Variants in PDGFC observed in about 807,000 individuals in gnomAD.
PDGFC encodes platelet-derived growth factor C.
A neutral mutation model predicts 35.5 loss-of-function variants in PDGFC; 12 were observed. That is an observed-to-expected ratio of 0.34 (90% CI 0.22 to 0.55). The LOEUF is 0.55. Ranked by LOEUF, PDGFC falls within the 20% of genes least tolerant of loss-of-function variation. The pLI is 0.91. For synonymous variants in PDGFC, 159 were observed against 148.8 expected, an observed-to-expected ratio of 1.07 and a Z score of -0.50; for missense variants, 322 against 412.4, an observed-to-expected ratio of 0.78 and a Z score of 1.90.
At chr4:156,900,956 G>A (rs960816452) in intron 1 of PDGFC, among the ~76,000 whole-genome samples, 3 of 151,120 alleles carry the variant, frequency 2.0e-5, no homozygotes, top group African/African-American at 7.3e-5. Context: ...AGGAAGTGAG[G>A]GAGGGAGGAA....
chr4:156,781,538 C>T (rs904022949), intron 3 of PDGFC, among the ~76,000 whole-genome samples: 1 of 152,112 alleles, frequency 6.6e-6, no homozygotes, highest in African/African-American at 2.4e-5. Context: ...GGGCTTTGTA[C>T]AGATTTCACA....
rs116017986 is a variant in PDGFC, at chr4:156,866,970, G to C, written c.119-16554C>G. 6.6e-3 allele frequency among the ~76,000 whole-genome samples: 1,005 copies of C among 152,204 alleles called. 14 individuals are homozygous for C. The highest frequency in any genetic ancestry group is 0.023 in the African/African-American group (950 of 41,546). On this transcript the variant is annotated intron_variant, in intron 1 of 5. Transcript: ENST00000502773. ...ACGTCTGTACCTGCTACTGAGTGTT[G>C]TAAGTGGAATGGAGAAGACAGTTAA...
At chr4:156,825,575 TAATAATAATAATAATAATAAGAAG>T (rs1217547526) in intron 2 of PDGFC, among the ~76,000 whole-genome samples, 42 of 95,578 alleles carry the variant, frequency 4.4e-4, no homozygotes, top group Middle Eastern at 4.6e-3. Context: ...ATAATAATAA[TAATAATAATAATAATAATAAGAAG>T]AAGAAGAAGA....
intron 2 of PDGFC, among the ~76,000 whole-genome samples, chr4:156,822,391 A>C (rs1410221264): frequency 6.6e-6 from 1 of 151,640 alleles, no homozygotes. Context: ...CATAGTAATA[A>C]ATTTAACCAA....
At chr4:156,900,041 A>C (rs1372858483) in intron 1 of PDGFC, among the ~76,000 whole-genome samples, 1 of 152,180 alleles carries the variant, frequency 6.6e-6, no homozygotes, top group Admixed American at 6.6e-5. Context: ...AATATTATTC[A>C]TCTATATTAA....
At position 156,931,812 on chromosome 4, in the gene PDGFC, GT is replaced by G. The variant is rs373094582; in HGVS notation, c.118+38973del. ...GATTTTAAACACTACATTTATAGGAGTTTTTTTTTTGTTAAACTACATGTGT... is the reference window on the plus strand; with the variant it reads ...GATTTTAAACACTACATTTATAGGAGTTTTTTTTTGTTAAACTACATGTGT... On this transcript the variant is annotated intron_variant, in intron 1 of 5. Coordinates refer to ENST00000502773, the MANE Select transcript of PDGFC (RefSeq NM_016205.3). 6.9e-3 allele frequency among the ~76,000 whole-genome samples: 1,022 copies of G among 148,684 alleles called. 5 individuals carry two copies. The highest frequency in any genetic ancestry group is 0.013 in the African/African-American group (515 of 40,620).
intron 2 of PDGFC, among the ~76,000 whole-genome samples, chr4:156,824,313 TATATATATATATATACACACAC>T (rs1231014295): frequency 1.5e-4 from 7 of 45,238 alleles, no homozygotes; most frequent in African/African-American, 7.9e-4. Context: ...TATATATATA[TATATATATATATATACACACAC>T]ACACACACAC....
intron 1 of PDGFC, among the ~76,000 whole-genome samples, chr4:156,903,102 A>ACAGT (rs1730829438): frequency 1.1e-5 from 1 of 88,294 alleles, no homozygotes; most frequent in African/African-American, 5.6e-5. Flanking sequence ...AGAGAGAGAG[A>ACAGT]GAGTGTGTGT....
At chr4:156,851,503 C>A (rs900380022) in intron 1 of PDGFC, among the ~76,000 whole-genome samples, 4 of 152,068 alleles carry the variant, frequency 2.6e-5, no homozygotes, top group Admixed American at 6.6e-5. Flanking sequence ...CAAGTTGGCA[C>A]TGCTGAGAAA....
At position 156,971,405 on chromosome 4, in the gene PDGFC, C is replaced by G. The variant is rs1036868503; in HGVS notation, c.-502G>C. On this transcript the variant is annotated 5_prime_UTR_variant, in exon 1 of 6. Transcript: ENST00000502773. The stretch of plus-strand genomic sequence containing the variant: ...TGCGGCTCTCCGGGCGCCCCTCTCC[C>G]CCGCCCCACCCCCCACCCCCGAAGG... The G allele has an allele frequency of 2.6e-6, 1 of 391,902 alleles. No homozygotes were observed. Among genetic ancestry groups the G allele is most frequent in the African/African-American group, 2.1e-5 (1 of 48,266 alleles). The allele number at this position is 391,902 out of a possible 1,614,324, so 24.3% of individuals were successfully genotyped here.
intron 1 of PDGFC, among the ~76,000 whole-genome samples, chr4:156,890,917 ATGTG>A (rs764791894): frequency 6.6e-6 from 1 of 151,920 alleles, no homozygotes; most frequent in South Asian, 2.1e-4. Flanking sequence ...ATATGTGTAT[ATGTG>A]TGTGTGTGTA....
Position 156,761,761 on chromosome 4 carries a change from A to C in PDGFC, c.*1329T>G, listed in dbSNP as rs547099456. ...TCTTTTAAATTGCCAGAGTACAATA[A>C]GTGAACTGGTTAAGAGACATACTTC... On this transcript the variant is annotated 3_prime_UTR_variant, in exon 6 of 6. Transcript: ENST00000502773. The C allele has an allele frequency of 1.3e-5, 2 of 152,784 alleles. No individual in the cohort carries two copies. The highest frequency in any genetic ancestry group is 4.8e-5 in the African/African-American group (2 of 41,594). The allele number at this position is 152,784 out of a possible 1,614,324, so 9.5% of individuals were successfully genotyped here.
intron 3 of PDGFC, among the ~76,000 whole-genome samples, chr4:156,797,082 G>A (rs1250533024): frequency 6.6e-6 from 1 of 151,502 alleles, no homozygotes; most frequent in African/African-American, 2.4e-5. Flanking sequence ...CTAAAAATAC[G>A]AAAAGATTAG....
chr4:156,802,331 G>A (rs982418415), intron 3 of PDGFC, among the ~76,000 whole-genome samples: 2 of 152,114 alleles, frequency 1.3e-5, no homozygotes, highest in Admixed American at 6.6e-5. Flanking sequence ...TGGATGTGTC[G>A]TCATTGGATT....
At chr4:156,767,683 T>C (rs1730577356) in intron 5 of PDGFC, 90 bp downstream of exon 5, 2 of 811,456 alleles carry the variant, frequency 2.5e-6, no homozygotes, top group Non-Finnish European at 4.1e-6. Flanking sequence ...ACTACGTCTT[T>C]TTTCCAAACA....
chr4:156,945,598 C>G (rs924307032), intron 1 of PDGFC, among the ~76,000 whole-genome samples: 7 of 151,858 alleles, frequency 4.6e-5, no homozygotes, highest in Admixed American at 6.6e-5. Flanking sequence ...AGAGGCTACT[C>G]TCCCTTAATG....
At chr4:156,962,931 G>T (rs1402904213) in intron 1 of PDGFC, among the ~76,000 whole-genome samples, 1 of 152,124 alleles carries the variant, frequency 6.6e-6, no homozygotes, top group Non-Finnish European at 1.5e-5. Context: ...CCTCTAAAAT[G>T]CATCTAAATC....
At chr4:156,810,667 C>A (rs570149414) in intron 3 of PDGFC, among the ~76,000 whole-genome samples, 170 bp downstream of exon 3, 2 of 152,004 alleles carry the variant, frequency 1.3e-5, no homozygotes, top group African/African-American at 4.8e-5. Flanking sequence ...TTCTAATTTG[C>A]CTAATGAATT....
intron 1 of PDGFC, among the ~76,000 whole-genome samples, chr4:156,868,461 C>T (rs1268143220): frequency 6.6e-6 from 1 of 152,076 alleles, no homozygotes; most frequent in Non-Finnish European, 1.5e-5. Context: ...CAAAGAAAGG[C>T]TCAGTACATC....
Sources: allele counts gnomAD v4.1 joint callset (sites outside exome capture counted in the v4.1 genomes callset), GRCh38; gene constraint gnomAD v4.1.1; transcripts MANE v1.5; gene names NCBI Gene and HGNC (gene_info 2026-07-23, HGNC 2026-07-21).